TBCD: variants seen among roughly 807,000 people sequenced by gnomAD.
The protein encoded by TBCD is tubulin folding cofactor D.
In TBCD, 105 loss-of-function variants were observed where a neutral mutation model predicts 169.3. The ratio of observed to expected loss-of-function variants is 0.62; its 90% CI spans 0.53 to 0.73. The LOEUF is 0.73. Among genes scored for constraint, TBCD ranks in the 30% least tolerant of loss-of-function variants. TBCD has a pLI of 0.00. For synonymous variants in TBCD, 700 were observed against 643.9 expected (o/e 1.09, Z -1.32); for missense variants, 1,444 against 1,600.1 (o/e 0.90, Z 1.66).
chr17:82,928,998 G>A lies in TBCD; in HGVS notation c.2694-115G>A, dbSNP rs1056873685. The stretch of plus-strand genomic sequence containing the variant: ...TCAGCCACCATGTCCCGAGGAGCCC[G>A]CATGTCCTCGTGGTGCTTGGGCTGG... On this transcript the variant is annotated intron_variant, in intron 30 of 38. Coordinates refer to ENST00000355528, the MANE Select transcript of TBCD (RefSeq NM_005993.5). The A allele has an allele frequency of 3.7e-4, 493 of 1,344,270 alleles. 2 individuals are homozygous for A. The highest frequency in any genetic ancestry group is 2.5e-4 in the Middle Eastern group (1 of 3,940). 83.3% of individuals were successfully genotyped at this position (1,344,270 alleles called of 1,614,324 possible).
chr17:82,813,063 T>C (rs1023831490), intron 12 of TBCD, among the ~76,000 whole-genome samples: 1 of 141,770 alleles, frequency 7.1e-6, no homozygotes, highest in Admixed American at 7.4e-5. Context: ...CCTCAAGCAG[T>C]CCTCTTGCCT....
chr17:82,830,242 C>G (rs772166532), intron 13 of TBCD: 3 of 1,614,260 alleles, frequency 1.9e-6, no homozygotes, highest in Non-Finnish European at 2.5e-6. Context: ...ATCCCTTAGA[C>G]TTGTCCTCTT....
At chr17:82,909,007 G>C (rs979202424) in intron 21 of TBCD, among the ~76,000 whole-genome samples, 12 of 152,216 alleles carry the variant, frequency 7.9e-5, no homozygotes, top group African/African-American at 2.9e-4. Flanking sequence ...GGTCTCTGGG[G>C]CCAGAATGCA....
intron 7 of TBCD, among the ~76,000 whole-genome samples, chr17:82,795,227 C>T (rs1449085168): frequency 1.3e-5 from 2 of 152,206 alleles, no homozygotes; most frequent in Non-Finnish European, 2.9e-5. Context: ...AACCAGACGA[C>T]GTGTTAGCCC....
At position 82,801,890 on chromosome 17, in the gene TBCD, G is replaced by T. The variant is rs528231863; in HGVS notation, c.950+894G>T. Among the ~76,000 whole-genome samples, 198 of 145,828 alleles carry T rather than the reference G, an allele frequency of 1.4e-3. 2 individuals are homozygous for T. Among genetic ancestry groups the T allele is most frequent in the African/African-American group, 4.9e-3 (193 of 39,172 alleles). ...GGCGTCGTGTGCGTCGTGTGGTTCG[G>T]AGTCAGCGTGGCAGGAGGGCGGCGT... On this transcript the variant is annotated intron_variant, in intron 9 of 38. Coordinates refer to ENST00000355528, the MANE Select transcript of TBCD (RefSeq NM_005993.5).
intron 12 of TBCD, among the ~76,000 whole-genome samples, chr17:82,811,966 G>A (rs1003134767): frequency 6.6e-6 from 1 of 152,170 alleles, no homozygotes; most frequent in Non-Finnish European, 1.5e-5. Context: ...TATGCAGTGA[G>A]TGGAACTGCA....
intron 7 of TBCD, among the ~76,000 whole-genome samples, chr17:82,792,676 C>T (rs2049830776): frequency 6.6e-6 from 1 of 152,200 alleles, no homozygotes; most frequent in African/African-American, 2.4e-5. Context: ...GCATGGCCCC[C>T]ACCTGTGAAG....
chr17:82,893,819 C>T (rs941029038), intron 17 of TBCD, among the ~76,000 whole-genome samples, 187 bp downstream of exon 17: 1 of 152,204 alleles, frequency 6.6e-6, no homozygotes, highest in Non-Finnish European at 1.5e-5. Flanking sequence ...TGATTGGACA[C>T]ACCTCATGCT....
intron 12 of TBCD, among the ~76,000 whole-genome samples, chr17:82,810,273 G>A (rs1328958679): frequency 6.6e-6 from 1 of 152,196 alleles, no homozygotes; most frequent in African/African-American, 2.4e-5. Flanking sequence ...CCTGGGCAAC[G>A]AAGCGAAACC....
In TBCD at chr17:82,853,746, CTG is replaced by C. The variant is rs375365075; in HGVS notation, c.1319-16476_1319-16475del. 3.9e-3 allele frequency among the ~76,000 whole-genome samples: 596 copies of C among 152,082 alleles called. 2 individuals carry two copies. The highest frequency in any genetic ancestry group is 0.013 in the African/African-American group (545 of 41,486). On this transcript the variant is annotated intron_variant, in intron 13 of 38. Coordinates refer to ENST00000355528, the MANE Select transcript of TBCD (RefSeq NM_005993.5). Reference sequence around the variant, plus strand: ...TCGTGTTTTCTCAGTGTATTCTTTTCTGTCTTTTAATTTTTTTATATTCTTGC... The same window carrying C: ...TCGTGTTTTCTCAGTGTATTCTTTTCTCTTTTAATTTTTTTATATTCTTGC...
At chr17:82,929,584 G>A (rs758290333) in intron 32 of TBCD, 84 bp downstream of exon 32, 1 of 1,555,212 alleles carries the variant, frequency 6.4e-7, no homozygotes, top group South Asian at 1.1e-5. Context: ...CATGTATGGA[G>A]CTGGGCCTTT....
intron 13 of TBCD, among the ~76,000 whole-genome samples, chr17:82,851,868 C>T (rs925742476): frequency 6.6e-6 from 1 of 152,190 alleles, no homozygotes; most frequent in Non-Finnish European, 1.5e-5. Context: ...ATAGACGTTC[C>T]GAGAGAAATG....
chr17:82,773,294 T>G (rs1284650811), intron 6 of TBCD, among the ~76,000 whole-genome samples: 1 of 152,146 alleles, frequency 6.6e-6, no homozygotes, highest in Non-Finnish European at 1.5e-5. Flanking sequence ...GGAGAGAAGC[T>G]TCCTTTGTGG....
intron 7 of TBCD, among the ~76,000 whole-genome samples, chr17:82,784,286 A>T (rs1212745190): frequency 2.6e-5 from 4 of 152,324 alleles, no homozygotes; most frequent in African/African-American, 7.2e-5. Flanking sequence ...TACTGATGAA[A>T]TAGAGGACCT....
chr17:82,895,906 C>T (rs576155614), intron 17 of TBCD: 1 of 152,246 alleles, frequency 6.6e-6, no homozygotes, highest in East Asian at 1.9e-4. Flanking sequence ...GATGGGGGGA[C>T]CAGCCGTCGC....
intron 14 of TBCD, among the ~76,000 whole-genome samples, chr17:82,872,946 C>CGTCTG: frequency 4.2e-5 from 6 of 143,560 alleles, no homozygotes; most frequent in African/African-American, 1.4e-4. Context: ...GAGCCAGGCC[C>CGTCTG]GGCACCTCGT....
intron 22 of TBCD, among the ~76,000 whole-genome samples, chr17:82,909,843 G>A (rs182599968): frequency 6.6e-6 from 1 of 152,352 alleles, no homozygotes; most frequent in African/African-American, 2.4e-5. Context: ...AGATCTGGCC[G>A]GGTGCCTCCC....
intron 35 of TBCD, 139 bp downstream of exon 35, chr17:82,937,499 A>G (rs991509829): frequency 2.7e-5 from 21 of 766,262 alleles, no homozygotes; most frequent in Non-Finnish European, 4.3e-5. Context: ...GTGCATTCCA[A>G]TGTTCAAAGC....
chr17:82,823,371 G>C (rs2052570116), intron 13 of TBCD, among the ~76,000 whole-genome samples: 1 of 152,244 alleles, frequency 6.6e-6, no homozygotes, highest in African/African-American at 2.4e-5. Flanking sequence ...TTGTTGGCTT[G>C]TTTAATCTTG....
Sources: allele counts gnomAD v4.1 joint callset (sites outside exome capture counted in the v4.1 genomes callset), GRCh38; gene constraint gnomAD v4.1.1; transcripts MANE v1.5; gene names NCBI Gene and HGNC (gene_info 2026-07-23, HGNC 2026-07-21).